Variants in TMEM44 observed in about 807,000 individuals in gnomAD.
The protein encoded by TMEM44 is transmembrane protein 44.
TMEM44 carries 43 observed loss-of-function variants against 47.8 expected under a neutral mutation model. The ratio of observed to expected loss-of-function variants is 0.90; its 90% confidence interval spans 0.70 to 1.16. TMEM44 has a LOEUF of 1.16. Ranked by LOEUF, TMEM44 falls within the 50% of genes most tolerant of loss-of-function variation. The probability of loss-of-function intolerance (pLI) is 0.00; values close to 1 mark genes in which losing one functional copy is unlikely to be tolerated. For synonymous variants in TMEM44, 277 were observed against 238.8 expected (o/e 1.16, Z -1.48); for missense variants, 568 against 555.2 (o/e 1.02, Z -0.23).
intron 9 of TMEM44, among the ~76,000 whole-genome samples, chr3:194,595,935 A>G (rs1392138430): frequency 6.6e-6 from 1 of 152,022 alleles, no homozygotes; most frequent in African/African-American, 2.4e-5. Context: ...GATGGTCTGT[A>G]TTTCTTACCT....
chr3:194,606,520 T>C (rs531119219), intron 8 of TMEM44, among the ~76,000 whole-genome samples: 11 of 152,328 alleles, frequency 7.2e-5, no homozygotes, highest in African/African-American at 2.4e-4. Flanking sequence ...CCCAGGTCCC[T>C]GAATCGGGCA....
In TMEM44 at chr3:194,588,416, T is replaced by C; in HGVS notation, c.*113A>G. 1 of 895,988 alleles carries C rather than the reference T, an allele frequency of 1.1e-6. No homozygotes were observed. Among genetic ancestry groups the C allele is most frequent in the African/African-American group, 1.6e-5 (1 of 60,908 alleles). The allele number at this position is 895,988 out of a possible 1,614,324, so 55.5% of individuals were successfully genotyped here. ...CAGTGACGGCTCCTGGTTCCTCACT[T>C]GCCAGGGCAGCTTCAGTTCCTGCCG... On this transcript the variant is annotated 3_prime_UTR_variant, in exon 10 of 10. Coordinates refer to ENST00000347147, the MANE Select transcript of TMEM44 (RefSeq NM_001011655.3).
At chr3:194,626,784 C>T (rs1444225646) in intron 2 of TMEM44, among the ~76,000 whole-genome samples, 2 of 147,974 alleles carry the variant, frequency 1.4e-5, no homozygotes, top group African/African-American at 5.0e-5. Context: ...CCTGGGTTCA[C>T]GCCATTCTCC....
rs1413717463 is a variant in TMEM44 at position 194,601,496 on chromosome 3, G to GT, written c.1176+2790dup. 3.3e-5 allele frequency among the ~76,000 whole-genome samples: 5 copies of GT among 152,052 alleles called. No individual in the cohort carries two copies. The East Asian group carries it at 5.8e-4, about 18-fold the overall frequency. ...ATTTTATATTTTTAGTAGAGACTGG[G>GT]TTTCTCCATGTTGGTCAGGCTGGTC... On this transcript the variant is annotated intron_variant, in intron 9 of 9. Coordinates refer to ENST00000347147, the MANE Select transcript of TMEM44 (RefSeq NM_001011655.3).
At chr3:194,628,534 AAC>A in intron 1 of TMEM44, 25 bp from the exon 2 acceptor site, 1 of 1,586,200 alleles carries the variant, frequency 6.3e-7, no homozygotes, top group Non-Finnish European at 8.6e-7. Context: ...GTGTGGACAG[AAC>A]ACAGCAACTG....
intron 3 of TMEM44, among the ~76,000 whole-genome samples, chr3:194,625,630 G>C (rs568992048): frequency 6.6e-6 from 1 of 152,194 alleles, no homozygotes; most frequent in South Asian, 2.1e-4. Context: ...ACAGGCGCAC[G>C]CCACCACACC....
intron 9 of TMEM44, among the ~76,000 whole-genome samples, chr3:194,597,551 T>C (rs1216839796): frequency 2.0e-5 from 3 of 150,824 alleles, no homozygotes; most frequent in South Asian, 2.1e-4. Context: ...TCCCAGCTAC[T>C]TGGGAGGCTA....
intron 3 of TMEM44, among the ~76,000 whole-genome samples, chr3:194,624,946 C>A (rs937292643): frequency 6.6e-6 from 1 of 151,608 alleles, no homozygotes; most frequent in African/African-American, 2.4e-5. Context: ...GAACTCCTGA[C>A]CTCAAAATGA....
At chr3:194,624,451 C>T (rs550775444) in intron 3 of TMEM44, among the ~76,000 whole-genome samples, 5 of 152,206 alleles carry the variant, frequency 3.3e-5, no homozygotes, top group East Asian at 1.9e-4. Flanking sequence ...GACAGGGTCT[C>T]GCTGTCACCC....
chr3:194,601,145 G>GTT (rs200964048), intron 9 of TMEM44, among the ~76,000 whole-genome samples: 37 of 144,406 alleles, frequency 2.6e-4, no homozygotes, highest in African/African-American at 5.7e-4. Context: ...GAATTTACTT[G>GTT]TTTGTTTTTT....
chr3:194,617,202 AG>A lies in TMEM44; in HGVS notation c.679del (p.Leu227SerfsTer24). 1.3e-6 allele frequency: 2 copies of A among 1,549,932 alleles called. No homozygotes were observed. Among genetic ancestry groups the A allele is most frequent in the Middle Eastern group, 3.7e-4 (2 of 5,368 alleles). On this transcript the variant is annotated frameshift_variant, in exon 6 of 10. Coordinates refer to ENST00000347147, the MANE Select transcript of TMEM44 (RefSeq NM_001011655.3). LOFTEE classifies it high-confidence loss of function. The stretch of plus-strand genomic sequence containing the variant: ...GTGGGCCACAATGGCCGAGGCATAG[AG>A]GAGGCCAGCCAGGGCCGACAGGAGC... ...TRLLSALAGL[L>X]YASAIVAHDQ...
rs554716195 is a variant in TMEM44 at position 194,630,600 on chromosome 3, C to A, written c.138-2091G>T. On this transcript the variant is annotated intron_variant, in intron 1 of 9. Coordinates refer to ENST00000347147, the MANE Select transcript of TMEM44 (RefSeq NM_001011655.3). ...CGTACCTGCCTCCCGAAGGGGCTGG[C>A]TGTTTCCATCGGCGTCACTGATAGG... Among the ~76,000 whole-genome samples, 9 of 104,538 alleles carry A rather than the reference C, an allele frequency of 8.6e-5. No homozygotes were observed. In the South Asian group the frequency reaches 2.1e-3, roughly 25 times the overall value. The allele number at this position is 104,538 out of a possible 152,430, so 68.6% of individuals were successfully genotyped here. A position where few individuals can be genotyped will look rare whatever the true frequency, so the allele number is the denominator to read the frequency against.
At chr3:194,589,296 A>G (rs907222433) in intron 9 of TMEM44, among the ~76,000 whole-genome samples, 5 of 152,114 alleles carry the variant, frequency 3.3e-5, no homozygotes, top group Non-Finnish European at 7.4e-5. Flanking sequence ...CACCATGCCC[A>G]GCTTCAACCT....
intron 9 of TMEM44, among the ~76,000 whole-genome samples, chr3:194,600,592 TA>T (rs1277185883): frequency 6.6e-6 from 1 of 150,896 alleles, no homozygotes; most frequent in South Asian, 2.1e-4. Context: ...ACTAAAATAT[TA>T]AAAAAAAATT....
chr3:194,597,390 G>A (rs911153822), intron 9 of TMEM44: 5 of 152,258 alleles, frequency 3.3e-5, no homozygotes, highest in Non-Finnish European at 7.3e-5. Flanking sequence ...TGGGCACGGT[G>A]GCTCCCGCCT....
chr3:194,619,508 T>C (rs1716296000), intron 5 of TMEM44, among the ~76,000 whole-genome samples: 1 of 152,206 alleles, frequency 6.6e-6, no homozygotes, highest in Non-Finnish European at 1.5e-5. Flanking sequence ...CCAGGACTCC[T>C]GGTGTCAGCA....
chr3:194,629,266 A>T (rs1439902671), intron 1 of TMEM44, among the ~76,000 whole-genome samples: 2 of 152,166 alleles, frequency 1.3e-5, no homozygotes, highest in African/African-American at 4.8e-5. Flanking sequence ...ATTCAAACGA[A>T]ATTCTTCTAA....
rs1324962912 is a variant in TMEM44, at chr3:194,625,842, C to T, written c.358+55G>A. 12 of 1,458,978 alleles carry T rather than the reference C, an allele frequency of 8.2e-6. 1 individual carries two copies. The East Asian group carries it at 9.2e-5, about 11-fold the overall frequency. The allele number at this position is 1,458,978 out of a possible 1,614,324, so 90.4% of individuals were successfully genotyped here. A position where few individuals can be genotyped will look rare whatever the true frequency, so the allele number is the denominator to read the frequency against. On this transcript the variant is annotated intron_variant, in intron 3 of 9. Transcript: ENST00000347147. ...GGAGTGATAAGGAGTAGGCATTCGGCGTGCTGATGAATGAATGGGTGAATA... is the reference window on the plus strand; with the variant it reads ...GGAGTGATAAGGAGTAGGCATTCGGTGTGCTGATGAATGAATGGGTGAATA...
At chr3:194,591,903 G>C (rs1051205193) in intron 9 of TMEM44, among the ~76,000 whole-genome samples, 1 of 151,960 alleles carries the variant, frequency 6.6e-6, no homozygotes, top group South Asian at 2.1e-4. Context: ...CAACGTGCCC[G>C]GCCTAAAAAC....
Sources: allele counts gnomAD v4.1 joint callset (sites outside exome capture counted in the v4.1 genomes callset), GRCh38; gene constraint gnomAD v4.1.1; transcripts MANE v1.5; gene names NCBI Gene and HGNC (gene_info 2026-07-23, HGNC 2026-07-21).